The following ACTL9 variants were observed in gnomAD, a reference collection of about 807,000 sequenced individuals.
ACTL9 encodes actin-like protein 9.
Under a neutral mutation model 0.9 loss-of-function variants are expected in ACTL9, and 1 was observed. The ratio of observed to expected loss-of-function variants is 1.10; its 90% CI spans 0.39 to 5.23. The LOEUF (loss-of-function observed/expected upper bound fraction) is 5.23. Among genes scored for constraint, ACTL9 ranks in the 30% most tolerant of loss-of-function variants. The pLI, the probability that ACTL9 is intolerant of heterozygous loss-of-function variation, is 0.16. For synonymous variants in ACTL9, 283 were observed against 269.5 expected (o/e 1.05, Z -0.49); for missense variants, 597 against 566.8 (o/e 1.05, Z -0.54).
rs1555753335 is a variant in ACTL9 at position 8,697,849 on chromosome 19, C to T, written c.853G>A (p.Gly285Arg). 1 of 1,613,136 alleles carries T rather than the reference C, an allele frequency of 6.2e-7. No homozygotes were observed. ...EYKRTLKLPD[G>R]RTVTLGKELF... ...TCCTTGCCCAGGGTGACCGTGCGCC[C>T]ATCGGGCAGCTTCAGAGTCCGCTTG... is the stretch of plus-strand genomic sequence containing the variant. Residue 285 changes from glycine (G) to arginine (R), a missense_variant, in exon 1 of 1, where the codon GGG (glycine) becomes AGG (arginine). Coordinates refer to ENST00000324436, the MANE Select transcript of ACTL9 (RefSeq NM_178525.5). The surrounding 1 kb of genome is among the most constrained non-coding windows in gnomAD (Gnocchi z 4.3).
At position 8,698,381 on chromosome 19, in the gene ACTL9, C is replaced by G. The variant is rs1157797767; in HGVS notation, c.321G>C (p.Glu107Asp). 2.0e-6 allele frequency: 3 copies of G among 1,516,388 alleles called. No individual in the cohort carries two copies. In the East Asian group the frequency reaches 6.8e-5, roughly 35 times the overall value. The allele number at this position is 1,516,388 out of a possible 1,614,324, so 93.9% of individuals were successfully genotyped here. Reference protein sequence around the residue: ...FIGEAARVLPELTLVQPLRSG... With the variant: ...FIGEAARVLPDLTLVQPLRSG... The stretch of plus-strand genomic sequence containing the variant: ...TGCGCAGGGGTTGCACCAGCGTCAG[C>G]TCTGGGAGCACGCGGGCTGCCTCGC... The change falls in exon 1 of 1, where the codon GAG becomes GAC. Residue 107 changes from glutamate to aspartate, a missense_variant. Glu to Asp is a conservative substitution (Grantham distance 45, BLOSUM62 2). Transcript: ENST00000324436.
rs782461864 is a variant in ACTL9, at chr19:8,698,626, G to C, written c.76C>G (p.Pro26Ala). ...TGCAGGGGCTTGTTCACCACGTTGG[G>C]ACTGGGGTTTGGGCCGGGCCTGGGG... ...EAPRPGPNPS[P>A]NVVNKPLQRD... The change falls in exon 1 of 1, where the codon CCC becomes GCC. Residue 26 changes from proline to alanine, a missense_variant. Physicochemically the swap from Pro to Ala is conservative, Grantham distance 27 (BLOSUM62 -1). Coordinates refer to ENST00000324436, the MANE Select transcript of ACTL9 (RefSeq NM_178525.5). 4.4e-6 allele frequency: 7 copies of C among 1,603,014 alleles called. No individual in the cohort carries two copies. The East Asian group carries it at 1.4e-4, about 31-fold the overall frequency.
chr19:8,698,713 G>A lies in ACTL9; in HGVS notation c.-12C>T. The A allele has an allele frequency of 1.4e-6, 2 of 1,470,902 alleles. No individual in the cohort carries two copies. The highest frequency in any genetic ancestry group is 1.8e-6 in the Non-Finnish European group (2 of 1,103,184). 91.1% of individuals were successfully genotyped at this position (1,470,902 alleles called of 1,614,324 possible). ...CGACTTGCATCCATGGTTGCGGGAC[G>A]CCAGGTGAGGGGGCTTTTCCTCTGG... On this transcript the variant is annotated 5_prime_UTR_variant, in exon 1 of 1. Transcript: ENST00000324436.
chr19:8,698,794 A>C lies in ACTL9; in HGVS notation c.-93T>G. ...CCCGGCCAGTGGGGAGGGCAGGCAG[A>C]CAGGGGGAGGGGTGGGCCCGCAATC... On this transcript the variant is annotated 5_prime_UTR_variant, in exon 1 of 1. Transcript: ENST00000324436. 7.6e-6 allele frequency: 9 copies of C among 1,176,472 alleles called. No individual in the cohort carries two copies. Among genetic ancestry groups the C allele is most frequent in the African/African-American group, 1.6e-5 (1 of 63,556 alleles). 72.9% of individuals were successfully genotyped at this position (1,176,472 alleles called of 1,614,324 possible). A position where few individuals can be genotyped will look rare whatever the true frequency, so the allele number is the denominator to read the frequency against.
rs558276693 is a variant in ACTL9, at chr19:8,697,863, A to G, written c.839T>C (p.Leu280Pro). 1.2e-6 allele frequency: 2 copies of G among 1,613,262 alleles called. No homozygotes were observed. The highest frequency in any genetic ancestry group is 1.1e-5 in the South Asian group (1 of 91,082). ...GACCGTGCGCCCATCGGGCAGCTTCAGAGTCCGCTTGTACTCCTGCTCCGG... is the reference window on the plus strand; with the variant it reads ...GACCGTGCGCCCATCGGGCAGCTTCGGAGTCCGCTTGTACTCCTGCTCCGG... ...ARPEQEYKRT[L>P]KLPDGRTVTL... Residue 280 changes from leucine (L) to proline (P), a missense_variant, in exon 1 of 1, where the codon CTG becomes CCG. Transcript: ENST00000324436. The surrounding 1 kb of genome is among the most constrained non-coding windows in gnomAD (Gnocchi z 4.3).
Position 8,697,846 on chromosome 19 carries a change from G to A in ACTL9, c.856C>T (p.Arg286Cys), listed in dbSNP as rs373541326. 9.3e-6 allele frequency: 15 copies of A among 1,613,058 alleles called. No individual in the cohort carries two copies. Among genetic ancestry groups the A allele is most frequent in the Admixed American group, 6.7e-5 (4 of 59,998 alleles). ...AGCTCCTTGCCCAGGGTGACCGTGCGCCCATCGGGCAGCTTCAGAGTCCGC... is the reference window on the plus strand; with the variant it reads ...AGCTCCTTGCCCAGGGTGACCGTGCACCCATCGGGCAGCTTCAGAGTCCGC... Reference protein sequence around the residue: ...YKRTLKLPDGRTVTLGKELFQ... With the variant: ...YKRTLKLPDGCTVTLGKELFQ... The change falls in exon 1 of 1, where the codon CGC becomes TGC. Residue 286 changes from arginine to cysteine, a missense_variant. Transcript: ENST00000324436. This position sits in a 1 kb window ranked among gnomAD's most constrained non-coding sequence, Gnocchi z 4.3.
rs782053203 is a variant in ACTL9, at chr19:8,698,666, C to T, written c.36G>A (p.Gln12=). 3 of 1,551,760 alleles carry T rather than the reference C, an allele frequency of 1.9e-6. No homozygotes were observed. In the Admixed American group the frequency reaches 5.8e-5, roughly 30 times the overall value. ...CGGGCCTGGGGGCCTCCAGGGAGGA[C>T]TGGGATTCCGAGGACTTGGGGCGAC... ...DASRPKSSES[Q]SSLEAPRPGP... is the part of the protein sequence containing the mutation. The change falls in exon 1 of 1, where the codon CAG becomes CAA. Residue 12 remains glutamine (Q), a synonymous_variant. Coordinates refer to ENST00000324436, the MANE Select transcript of ACTL9 (RefSeq NM_178525.5).
In ACTL9 at chr19:8,697,423, C is replaced by T. The variant is rs1437396839; in HGVS notation, c.*28G>A. On this transcript the variant is annotated 3_prime_UTR_variant, in exon 1 of 1. Coordinates refer to ENST00000324436, the MANE Select transcript of ACTL9 (RefSeq NM_178525.5). This position sits in a 1 kb window ranked among gnomAD's most constrained non-coding sequence, Gnocchi z 4.3. ...CCGGCTGTAGCAGAGGCTTTACTGC[C>T]CCCACGCCCTCCCCAGCTCTGCCCT... 2 of 1,541,390 alleles carry T rather than the reference C, an allele frequency of 1.3e-6. No homozygotes were observed. Among genetic ancestry groups the T allele is most frequent in the Non-Finnish European group, 1.7e-6 (2 of 1,145,648 alleles).
Position 8,697,702 on chromosome 19 carries a change from A to G in ACTL9, c.1000T>C (p.Leu334=), listed in dbSNP as rs1212300028. The G allele has an allele frequency of 1.9e-6, 3 of 1,613,084 alleles. No homozygotes were observed. Among genetic ancestry groups the G allele is most frequent in the Non-Finnish European group, 2.5e-6 (3 of 1,179,988 alleles). Reference sequence around the variant, plus strand: ...CCGCAGAGAAGCACGTTTTGGGCCAAGTCCGCGCGCATCTCCAGTGACAAC... The same window carrying G: ...CCGCAGAGAAGCACGTTTTGGGCCAGGTCCGCGCGCATCTCCAGTGACAAC... ...RKLSLEMRAD[L]AQNVLLCGGS... is the part of the protein sequence containing the mutation. The change falls in exon 1 of 1, where the codon TTG becomes CTG. Residue 334 remains leucine (L), a synonymous_variant. Transcript: ENST00000324436. This position sits in a 1 kb window ranked among gnomAD's most constrained non-coding sequence, Gnocchi z 4.3.
At position 8,698,765 on chromosome 19, in the gene ACTL9, G is replaced by A; in HGVS notation, c.-64C>T. 2 of 1,424,060 alleles carry A rather than the reference G, an allele frequency of 1.4e-6. No individual in the cohort carries two copies. Among genetic ancestry groups the A allele is most frequent in the Non-Finnish European group, 1.9e-6 (2 of 1,078,638 alleles). The allele number at this position is 1,424,060 out of a possible 1,614,324, so 88.2% of individuals were successfully genotyped here. ...GTTGGGGTTGCGGGGAGAAGAGGTTGAGGCCCGGCCAGTGGGGAGGGCAGG... is the reference window on the plus strand; with the variant it reads ...GTTGGGGTTGCGGGGAGAAGAGGTTAAGGCCCGGCCAGTGGGGAGGGCAGG... On this transcript the variant is annotated 5_prime_UTR_variant, in exon 1 of 1. Transcript: ENST00000324436.
Position 8,698,429 on chromosome 19 carries a change from CTGCCCCGA to C in ACTL9, c.265_272del (p.Ser89ValfsTer164). 1 of 1,523,176 alleles carries C rather than the reference CTGCCCCGA, an allele frequency of 6.6e-7. No homozygotes were observed. The allele number at this position is 1,523,176 out of a possible 1,614,324, so 94.4% of individuals were successfully genotyped here. A position where few individuals can be genotyped will look rare whatever the true frequency, so the allele number is the denominator to read the frequency against. ...CGCCGATGAACGTCTGCAGCCCGGACTGCCCCGAGGTGGCGGGTTTCTTGGGCTGGCAG... is the reference window on the plus strand; with the variant it reads ...CGCCGATGAACGTCTGCAGCCCGGACGGTGGCGGGTTTCTTGGGCTGGCAG... On this transcript the variant is annotated frameshift_variant, in exon 1 of 1. Transcript: ENST00000324436. LOFTEE classifies it low-confidence loss of function (END_TRUNC).
chr19:8,697,445 C>T lies in ACTL9; in HGVS notation c.*6G>A, dbSNP rs1279757416. On this transcript the variant is annotated 3_prime_UTR_variant, in exon 1 of 1. Coordinates refer to ENST00000324436, the MANE Select transcript of ACTL9 (RefSeq NM_178525.5). This position sits in a 1 kb window ranked among gnomAD's most constrained non-coding sequence, Gnocchi z 4.3. The stretch of plus-strand genomic sequence containing the variant: ...TGCCCCCACGCCCTCCCCAGCTCTG[C>T]CCTGGTCAGTAGCATTTGCGGTACA... The T allele has an allele frequency of 3.8e-6, 6 of 1,576,986 alleles. No homozygotes were observed. Among genetic ancestry groups the T allele is most frequent in the Non-Finnish European group, 5.2e-6 (6 of 1,162,490 alleles).
rs543471511 is a variant in ACTL9 at position 8,697,931 on chromosome 19, G to A, written c.771C>T (p.His257=). ...GGAAGTCGGAGGCCACGTAGCAATA[G>A]TGGTGCTTAATGTTCTCCACTAGGT... The part of the protein sequence containing the change: ...DLDLVENIKH[H]YCYVASDFQK... Residue 257 remains histidine, a synonymous_variant, in exon 1 of 1, where the codon CAC becomes CAT. Transcript: ENST00000324436. This position sits in a 1 kb window ranked among gnomAD's most constrained non-coding sequence, Gnocchi z 4.3. 38 of 1,613,598 alleles carry A rather than the reference G, an allele frequency of 2.4e-5. No individual in the cohort carries two copies. The South Asian group carries it at 4.1e-4, about 17-fold the overall frequency.
Position 8,698,332 on chromosome 19 carries a change from C to A in ACTL9, c.370G>T (p.Ala124Ser). 1 of 1,525,382 alleles carries A rather than the reference C, an allele frequency of 6.6e-7. No homozygotes were observed. Among genetic ancestry groups the A allele is most frequent in the Non-Finnish European group, 8.8e-7 (1 of 1,135,382 alleles). The allele number at this position is 1,525,382 out of a possible 1,614,324, so 94.5% of individuals were successfully genotyped here. The change falls in exon 1 of 1, where the codon GCC becomes TCC. Residue 124 changes from alanine (A) to serine (S), a missense_variant. Transcript: ENST00000324436. ...AGGTGGCGCCAGATGAGCTCGGCGG[C>A]ATCCCAGTCCACGACGATGCCGCTG... ...LRSGIVVDWD[A>S]AELIWRHLLE...
rs782309016 is a variant in ACTL9 at position 8,698,727 on chromosome 19, C to A, written c.-26G>T. On this transcript the variant is annotated 5_prime_UTR_variant, in exon 1 of 1. Transcript: ENST00000324436. ...GGTTGCGGGACGCCAGGTGAGGGGG[C>A]TTTTCCTCTGGGGTTGGGGTTGCGG... is the stretch of plus-strand genomic sequence containing the variant. 5.1e-6 allele frequency: 7 copies of A among 1,359,754 alleles called. No homozygotes were observed. Among genetic ancestry groups the A allele is most frequent in the Admixed American group, 5.2e-5 (2 of 38,164 alleles). The allele number at this position is 1,359,754 out of a possible 1,614,324, so 84.2% of individuals were successfully genotyped here.
chr19:8,697,928 A>G lies in ACTL9; in HGVS notation c.774T>C (p.Tyr258=). ...TCTGGAAGTCGGAGGCCACGTAGCA[A>G]TAGTGGTGCTTAATGTTCTCCACTA... ...LDLVENIKHH[Y]CYVASDFQKE... is the part of the protein sequence containing the mutation. Residue 258 remains tyrosine, a synonymous_variant, in exon 1 of 1, where the codon TAT becomes TAC. Transcript: ENST00000324436. The surrounding 1 kb of genome is among the most constrained non-coding windows in gnomAD (Gnocchi z 4.3). The G allele has an allele frequency of 6.2e-7, 1 of 1,613,574 alleles. No homozygotes were observed. Among genetic ancestry groups the G allele is most frequent in the Non-Finnish European group, 8.5e-7 (1 of 1,179,990 alleles).
At position 8,698,422 on chromosome 19, in the gene ACTL9, G is replaced by T; in HGVS notation, c.280C>A (p.Leu94Met). Residue 94 changes from leucine (L) to methionine (M), a missense_variant, in exon 1 of 1, where the codon CTG becomes ATG. By Grantham distance (15) the Leu-to-Met change is conservative. Transcript: ENST00000324436. ...GCTGCCTCGCCGATGAACGTCTGCA[G>T]CCCGGACTGCCCCGAGGTGGCGGGT... is the stretch of plus-strand genomic sequence containing the variant. ...KKPATSGQSG[L>M]QTFIGEAARV... The T allele has an allele frequency of 6.6e-7, 1 of 1,521,234 alleles. No individual in the cohort carries two copies. Among genetic ancestry groups the T allele is most frequent in the Non-Finnish European group, 8.8e-7 (1 of 1,133,596 alleles). The allele number at this position is 1,521,234 out of a possible 1,614,324, so 94.2% of individuals were successfully genotyped here.
Position 8,697,601 on chromosome 19 carries a change from G to A in ACTL9, c.1101C>T (p.His367=), listed in dbSNP as rs2043204714. The A allele has an allele frequency of 2.5e-6, 4 of 1,613,326 alleles. No individual in the cohort carries two copies. In the East Asian group the frequency reaches 6.7e-5, roughly 27 times the overall value. Residue 367 remains histidine, a synonymous_variant, in exon 1 of 1, where the codon CAC becomes CAT. Transcript: ENST00000324436. This position sits in a 1 kb window ranked among gnomAD's most constrained non-coding sequence, Gnocchi z 4.3. ...ELLRALPAET[H]VVVAAQPTRN... is the part of the protein sequence containing the mutation. ...TGGTGGGCTGGGCAGCCACCACCAC[G>A]TGGGTCTCGGCTGGCAGAGCGCGCA...
At position 8,697,637 on chromosome 19, in the gene ACTL9, C is replaced by G; in HGVS notation, c.1065G>C (p.Arg355=). 6.2e-7 allele frequency: 1 copy of G among 1,612,310 alleles called. No homozygotes were observed. Among genetic ancestry groups the G allele is most frequent in the South Asian group, 1.1e-5 (1 of 91,026 alleles). ...CTGGCAGAGCGCGCAGCAGCTCTGCCCGGAAGCGACCCTCGAAGCCGGTGA... is the reference window on the plus strand; with the variant it reads ...CTGGCAGAGCGCGCAGCAGCTCTGCGCGGAAGCGACCCTCGAAGCCGGTGA... The part of the protein sequence containing the change: ...SLFTGFEGRF[R]AELLRALPAE... The change falls in exon 1 of 1, where the codon CGG becomes CGC. Residue 355 remains arginine (R), a synonymous_variant. Transcript: ENST00000324436. The surrounding 1 kb of genome is among the most constrained non-coding windows in gnomAD (Gnocchi z 4.3).
Sources: allele counts gnomAD v4.1 joint callset, GRCh38; gene constraint gnomAD v4.1.1; non-coding constraint Gnocchi (gnomAD v3.1); transcripts MANE v1.5; gene names NCBI Gene and HGNC (gene_info 2026-07-23, HGNC 2026-07-21).